BAZ2B: variants seen among roughly 807,000 people sequenced by gnomAD.
BAZ2B encodes bromodomain adjacent to zinc finger domain 2B.
A neutral mutation model predicts 246.0 loss-of-function variants in BAZ2B; 91 were observed. The observed-to-expected ratio is 0.37, with a 90% CI of 0.31 to 0.44. The LOEUF (loss-of-function observed/expected upper bound fraction) is 0.44. Among genes scored for constraint, BAZ2B ranks in the 20% least tolerant of loss-of-function variants. The probability of loss-of-function intolerance (pLI) is 1.00; values close to 1 mark genes in which losing one functional copy is unlikely to be tolerated. For synonymous variants in BAZ2B, 855 were observed against 860.0 expected (o/e 0.99, Z 0.10); for missense variants, 2,332 against 2,533.7 (o/e 0.92, Z 1.71).
intron 10 of BAZ2B, 69 bp downstream of exon 10, chr2:159,430,794 T>C: frequency 1.3e-6 from 2 of 1,541,866 alleles, no homozygotes; most frequent in Non-Finnish European, 8.7e-7. Context: ...TCCAGAACAC[T>C]CTTATCAATA....
At chr2:159,407,639 T>TAAAAAGGAGAAGAGATTA in intron 14 of BAZ2B, among the ~76,000 whole-genome samples, 1 of 152,264 alleles carries the variant, frequency 6.6e-6, no homozygotes, top group African/African-American at 2.4e-5. Flanking sequence ...CTGAGACTTT[T>TAAAAAGGAGAAGAGATTA]AAAAAGGAGA....
the BAZ2B span, among the ~76,000 whole-genome samples, chr2:159,655,610 C>G: frequency 1.3e-5 from 2 of 152,108 alleles, no homozygotes; most frequent in African/African-American, 4.8e-5. Flanking sequence ...CCCCCCTCAC[C>G]CTCATACTGG....
intron 21 of BAZ2B, among the ~76,000 whole-genome samples, chr2:159,387,328 T>C (rs1220136402): frequency 6.6e-6 from 1 of 152,202 alleles, no homozygotes; most frequent in East Asian, 1.9e-4. Context: ...ATGACTTAAT[T>C]GCAGTACCAG....
chr2:159,400,968 C>T (rs2064951829), intron 16 of BAZ2B, among the ~76,000 whole-genome samples: 2 of 152,034 alleles, frequency 1.3e-5, no homozygotes, highest in African/African-American at 4.8e-5. Flanking sequence ...GGCGTGAACC[C>T]AGGAGGTGGA....
the BAZ2B span, chr2:159,689,738 T>C: frequency 2.1e-6 from 1 of 466,282 alleles, no homozygotes; most frequent in Non-Finnish European, 3.9e-6. Context: ...CTTTTCTATG[T>C]CTTTTCCAAT....
At chr2:159,524,169 C>T (rs1249208819) in intron 2 of BAZ2B, among the ~76,000 whole-genome samples, 1 of 151,972 alleles carries the variant, frequency 6.6e-6, no homozygotes, top group African/African-American at 2.4e-5. Context: ...ACCTGTAATC[C>T]CAACTCTTGG....
At chr2:159,593,430 TG>T (rs1349195189) in intron 1 of BAZ2B, among the ~76,000 whole-genome samples, 2 of 152,248 alleles carry the variant, frequency 1.3e-5, no homozygotes, top group Non-Finnish European at 2.9e-5. Flanking sequence ...CCAAGTTATC[TG>T]TCCCTTTCAC....
At chr2:159,385,122 A>C in intron 23 of BAZ2B, 33 bp downstream of exon 23, 1 of 1,563,844 alleles carries the variant, frequency 6.4e-7, no homozygotes, top group Non-Finnish European at 8.7e-7. Flanking sequence ...TTCAAAATGG[A>C]AAAATCACGG....
intron 16 of BAZ2B, 67 bp downstream of exon 16, chr2:159,404,782 T>C (rs768273979): frequency 7.5e-7 from 1 of 1,327,628 alleles, no homozygotes; most frequent in Admixed American, 2.0e-5. Context: ...AAAAATAATG[T>C]ACATTACTAA....
chr2:159,582,583 C>T (rs1374644927), intron 1 of BAZ2B, among the ~76,000 whole-genome samples: 1 of 152,130 alleles, frequency 6.6e-6, no homozygotes, highest in African/African-American at 2.4e-5. Context: ...TGGGGTCCCA[C>T]TATGTTGCCC....
At chr2:159,553,508 A>T (rs1280453321) in intron 2 of BAZ2B, among the ~76,000 whole-genome samples, 1 of 152,036 alleles carries the variant, frequency 6.6e-6, no homozygotes, top group Admixed American at 6.5e-5. Context: ...ATCACATAGG[A>T]AATGAGAAGC....
intron 27 of BAZ2B, among the ~76,000 whole-genome samples, chr2:159,364,557 A>G (rs1411251607): frequency 6.6e-6 from 1 of 152,064 alleles, no homozygotes; most frequent in Non-Finnish European, 1.5e-5. Flanking sequence ...TTCTGTAGAG[A>G]TGGGGTTCCA....
chr2:159,433,574 C>T (rs2071555727), intron 8 of BAZ2B: 1 of 442,338 alleles, frequency 2.3e-6, no homozygotes, highest in Non-Finnish European at 3.9e-6. Flanking sequence ...TAGTTTTTCC[C>T]CATTAAAAAT....
At chr2:159,651,446 A>C in the BAZ2B span, among the ~76,000 whole-genome samples, 1 of 152,110 alleles carries the variant, frequency 6.6e-6, no homozygotes, top group Admixed American at 6.6e-5. Context: ...TCTCATAATC[A>C]CTTTTCTGCC....
Position 159,349,714 on chromosome 2 carries a change from A to T in BAZ2B, c.4857T>A (p.Pro1619=). 6.2e-7 allele frequency: 1 copy of T among 1,612,036 alleles called. No homozygotes were observed. Among genetic ancestry groups the T allele is most frequent in the South Asian group, 1.1e-5 (1 of 90,892 alleles). Residue 1619 remains proline (P), a synonymous_variant, in exon 28 of 37, where the codon CCT becomes CCA. Coordinates refer to ENST00000392783, the MANE Select transcript of BAZ2B (RefSeq NM_013450.4). Reference sequence around the variant, plus strand: ...TACAGTTAGCAGTACTAACCTGAAGAGGTGATAAAGCAAATGGATTTAAGC... The same window carrying T: ...TACAGTTAGCAGTACTAACCTGAAGTGGTGATAAAGCAAATGGATTTAAGC... ...PVGLNPFALS[P]LQVKGGVSMM...
In BAZ2B at chr2:159,442,463, G is replaced by A. The variant is rs145553691; in HGVS notation, c.697-3251C>T. 9.4e-3 allele frequency among the ~76,000 whole-genome samples: 1,432 copies of A among 152,272 alleles called. 10 individuals are homozygous for A. The highest frequency in any genetic ancestry group is 0.014 in the Non-Finnish European group (958 of 68,012). ...CACTGGGATAGAACACTAGTGGAGG[G>A]AGTGATGACATTTGATGTATACTTC... is the stretch of plus-strand genomic sequence containing the variant. On this transcript the variant is annotated intron_variant, in intron 6 of 36. Coordinates refer to ENST00000392783, the MANE Select transcript of BAZ2B (RefSeq NM_013450.4).
chr2:159,460,045 T>C (rs2076222405), intron 3 of BAZ2B: 1 of 152,096 alleles, frequency 6.6e-6, no homozygotes, highest in Non-Finnish European at 1.5e-5. Flanking sequence ...TTTTACATAA[T>C]AAAAATTAAT....
chr2:159,647,697 T>A, the BAZ2B span, among the ~76,000 whole-genome samples: 1 of 152,130 alleles, frequency 6.6e-6, no homozygotes, highest in Non-Finnish European at 1.5e-5. Context: ...TGCTTTGCTG[T>A]CTGTGCATGA....
intron 3 of BAZ2B, among the ~76,000 whole-genome samples, chr2:159,469,049 C>CA (rs560336551): frequency 0.26 from 16,259 of 62,234 alleles, 1,438 homozygotes; most frequent in South Asian, 0.36. Flanking sequence ...GACTCTGTCT[C>CA]AAAAAAAAAA....
Sources: gnomAD v4.1 joint callset for allele counts (sites outside exome capture counted in the v4.1 genomes callset) on GRCh38, gnomAD v4.1.1 for gene constraint, MANE v1.5 for transcripts, NCBI Gene and HGNC (gene_info 2026-07-23, HGNC 2026-07-21) for gene names.